The following PRKCB variants were observed in gnomAD, a reference collection of about 807,000 sequenced individuals.
PRKCB encodes protein kinase C beta type.
Under a neutral mutation model 81.5 loss-of-function variants are expected in PRKCB, and 13 were observed. The ratio of observed to expected loss-of-function variants is 0.16; its 90% CI spans 0.10 to 0.25. The LOEUF is 0.25. Ranked by LOEUF, PRKCB falls within the 10% of genes least tolerant of loss-of-function variation. The probability of loss-of-function intolerance (pLI) is 1.00; values close to 1 mark genes in which losing one functional copy is unlikely to be tolerated. For missense variants in PRKCB, 509 were observed against 875.7 expected, an observed-to-expected ratio of 0.58 and a Z score of 5.29; for synonymous variants, 335 against 321.4, an observed-to-expected ratio of 1.04 and a Z score of -0.45.
At chr16:23,946,538 G>A (rs148632154) in intron 2 of PRKCB, among the ~76,000 whole-genome samples, 1 of 152,076 alleles carries the variant, frequency 6.6e-6, no homozygotes, top group African/African-American at 2.4e-5. Context: ...AGGGCTATAG[G>A]GTTGTTAAGA....
chr16:24,089,714 G>A (rs1966352984), intron 5 of PRKCB, among the ~76,000 whole-genome samples: 1 of 152,076 alleles, frequency 6.6e-6, no homozygotes, highest in South Asian at 2.1e-4. Context: ...GGTCGAGGCT[G>A]CAGTGAACCA....
At position 24,169,183 on chromosome 16, in the gene PRKCB, A is replaced by T. The variant is rs181778862; in HGVS notation, c.1240-3087A>T. Among the ~76,000 whole-genome samples the T allele has an allele frequency of 1.3e-3, 203 of 152,222 alleles. No homozygotes were observed. In the Middle Eastern group the frequency reaches 0.02, roughly 15 times the overall value. On this transcript the variant is annotated intron_variant, in intron 10 of 16. Coordinates refer to ENST00000643927, the MANE Select transcript of PRKCB (RefSeq NM_002738.7). ...AACGTGGAGTCAGAGCTTTGATTCC[A>T]ACCTTCTGACTGTATGAATGCTGCT...
chr16:24,059,408 A>G (rs1329747073), intron 5 of PRKCB, among the ~76,000 whole-genome samples: 1 of 152,168 alleles, frequency 6.6e-6, no homozygotes, highest in East Asian at 1.9e-4. Context: ...CTGTAATCCC[A>G]GCACTTTGGG....
At chr16:24,119,892 T>C (rs1278272205) in intron 8 of PRKCB, among the ~76,000 whole-genome samples, 1 of 152,178 alleles carries the variant, frequency 6.6e-6, no homozygotes, top group East Asian at 1.9e-4. Context: ...CAACATATCT[T>C]ACTGCAAAGT....
At chr16:24,102,903 G>A (rs553563773) in intron 7 of PRKCB, among the ~76,000 whole-genome samples, 2 of 152,004 alleles carry the variant, frequency 1.3e-5, no homozygotes, top group East Asian at 1.9e-4. Context: ...TTTTTTGTTT[G>A]TTTGTTTTGA....
intron 16 of PRKCB, among the ~76,000 whole-genome samples, chr16:24,192,432 T>C (rs1360581200): frequency 1.3e-5 from 2 of 152,186 alleles, no homozygotes; most frequent in Non-Finnish European, 2.9e-5. Context: ...GCATCACAGC[T>C]TTTATGGGAC....
chr16:24,140,428 T>C (rs58001423), intron 9 of PRKCB, among the ~76,000 whole-genome samples: 3,468 of 152,246 alleles, frequency 0.023, 124 homozygotes, highest in African/African-American at 0.071. Flanking sequence ...AGGGGAATTA[T>C]AATAGGGAAA....
chr16:24,109,378 T>C, intron 7 of PRKCB, among the ~76,000 whole-genome samples: 1 of 116,422 alleles, frequency 8.6e-6, no homozygotes, highest in East Asian at 2.5e-4. Context: ...GAGGGGCTCC[T>C]CACTTCTCAG....
At chr16:23,929,469 A>C (rs544207956) in intron 2 of PRKCB, among the ~76,000 whole-genome samples, 1 of 152,110 alleles carries the variant, frequency 6.6e-6, no homozygotes, top group East Asian at 1.9e-4. Context: ...TCTGTCAAAT[A>C]GGAGTGAAAT....
At chr16:24,159,680 T>C (rs1052992697) in intron 10 of PRKCB, among the ~76,000 whole-genome samples, 4 of 152,146 alleles carry the variant, frequency 2.6e-5, no homozygotes, top group Admixed American at 2.0e-4. Flanking sequence ...TTCACATTCC[T>C]GGTTTTGGCT....
intron 3 of PRKCB, among the ~76,000 whole-genome samples, chr16:24,024,409 G>A (rs1177648035): frequency 1.3e-5 from 2 of 152,202 alleles, no homozygotes; most frequent in East Asian, 1.9e-4. Flanking sequence ...CTATTGCACA[G>A]CAGGGTGACA....
intron 2 of PRKCB, among the ~76,000 whole-genome samples, chr16:23,982,066 CTCTTT>C (rs1179666912): frequency 1.0e-4 from 3 of 28,636 alleles, no homozygotes; most frequent in African/African-American, 2.3e-4. Flanking sequence ...CCTTCCCCTT[CTCTTT>C]CCCTTCCCTT....
intron 5 of PRKCB, among the ~76,000 whole-genome samples, chr16:24,085,127 G>A (rs1487093281): frequency 3.6e-5 from 5 of 139,820 alleles, no homozygotes; most frequent in Non-Finnish European, 7.6e-5. Flanking sequence ...AACAGTTGAG[G>A]AACTGGAGGG....
At chr16:23,879,458 TTTG>T (rs35015313) in intron 2 of PRKCB, among the ~76,000 whole-genome samples, 26,300 of 140,792 alleles carry the variant, frequency 0.19, 3,640 homozygotes, top group South Asian at 0.42. Context: ...GGAATAAACC[TTTG>T]TTGTTGGTCC....
chr16:23,874,606 A>C lies in PRKCB; in HGVS notation c.205+37200A>C, dbSNP rs990400620. ...TTTGTTTTGCCCCAAGAGAGGCAGG[A>C]AATGAGTATATTTATGGGAGCTTTC... On this transcript the variant is annotated intron_variant, in intron 2 of 16. Coordinates refer to ENST00000643927, the MANE Select transcript of PRKCB (RefSeq NM_002738.7). Among the ~76,000 whole-genome samples the C allele has an allele frequency of 2.7e-5, 4 of 147,346 alleles. No homozygotes were observed. The South Asian group carries it at 8.5e-4, about 31-fold the overall frequency.
chr16:24,126,976 A>G (rs1302184855), intron 9 of PRKCB, among the ~76,000 whole-genome samples: 1 of 148,622 alleles, frequency 6.7e-6, no homozygotes, highest in African/African-American at 2.5e-5. Context: ...CCTGTCCTAA[A>G]TTATATATAT....
intron 2 of PRKCB, among the ~76,000 whole-genome samples, chr16:23,866,350 T>C (rs970701743): frequency 6.6e-6 from 1 of 152,332 alleles, no homozygotes; most frequent in East Asian, 1.9e-4. Context: ...TATAGTGACA[T>C]TGTCCTGCTG....
intron 2 of PRKCB, among the ~76,000 whole-genome samples, chr16:23,904,796 A>G (rs531261251): frequency 2.3e-4 from 35 of 152,206 alleles, no homozygotes; most frequent in Admixed American, 5.9e-4. Flanking sequence ...AAGTTGGGGG[A>G]TTTTTACATA....
At chr16:23,865,506 T>C (rs1962770001) in intron 2 of PRKCB, among the ~76,000 whole-genome samples, 2 of 17,830 alleles carry the variant, frequency 1.1e-4, no homozygotes, top group Non-Finnish European at 1.9e-4. Context: ...TATATATATA[T>C]ATATATATAT....
Sources: allele counts gnomAD v4.1 joint callset (sites outside exome capture counted in the v4.1 genomes callset), GRCh38; gene constraint gnomAD v4.1.1; transcripts MANE v1.5; gene names NCBI Gene and HGNC (gene_info 2026-07-23, HGNC 2026-07-21).